Variants in SAYSD1 observed in about 807,000 individuals in gnomAD.
SAYSD1 encodes SAYSvFN domain-containing protein 1.
A neutral mutation model predicts 14.5 loss-of-function variants in SAYSD1; 15 were observed. The observed-to-expected ratio is 1.03, with a 90% CI of 0.69 to 1.59. SAYSD1 has a LOEUF of 1.59. Ranked by LOEUF, SAYSD1 falls within the 40% of genes most tolerant of loss-of-function variation. The pLI, the probability that SAYSD1 is intolerant of heterozygous loss-of-function variation, is 0.00. For synonymous variants in SAYSD1, 105 were observed against 102.6 expected, an observed-to-expected ratio of 1.02 and a Z score of -0.14; for missense variants, 247 against 227.3, an observed-to-expected ratio of 1.09 and a Z score of -0.56.
chr6:39,111,523 T>C (rs1769626188), intron 1 of SAYSD1: 1 of 152,226 alleles, frequency 6.6e-6, no homozygotes, highest in African/African-American at 2.4e-5. Context: ...AAGAGTATGC[T>C]AGGCCTGCAA....
chr6:39,111,668 T>C (rs1398275184), intron 1 of SAYSD1: 1 of 152,238 alleles, frequency 6.6e-6, no homozygotes, highest in East Asian at 1.9e-4. Context: ...AAGTTTATGA[T>C]GCTCATTAAG....
chr6:39,109,680 G>A, intron 1 of SAYSD1: 1 of 1,056,418 alleles, frequency 9.5e-7, no homozygotes, highest in Non-Finnish European at 1.2e-6. Flanking sequence ...AAAAGGTGTG[G>A]GACTTCCTCT....
chr6:39,106,229 C>G (rs1562027329), intron 1 of SAYSD1, among the ~76,000 whole-genome samples: 1 of 150,562 alleles, frequency 6.6e-6, no homozygotes, highest in African/African-American at 2.4e-5. Flanking sequence ...AACAAAAATC[C>G]TTTTTACGTT....
intron 1 of SAYSD1, chr6:39,109,404 G>A: frequency 6.5e-7 from 1 of 1,549,492 alleles, no homozygotes; most frequent in Non-Finnish European, 8.7e-7. Context: ...GTGGGAAGGA[G>A]GATGTAGATA....
At chr6:39,105,867 G>C in intron 1 of SAYSD1, 91 bp from the exon 2 acceptor site, 2 of 1,150,464 alleles carry the variant, frequency 1.7e-6, no homozygotes, top group East Asian at 4.8e-5. Flanking sequence ...TCATTGCTCT[G>C]AGAAGGCTGC....
intron 1 of SAYSD1, chr6:39,113,342 A>G (rs1279152668): frequency 6.5e-6 from 1 of 152,674 alleles, no homozygotes; most frequent in African/African-American, 2.4e-5. Context: ...TGCTAAAGAA[A>G]TCTCTGACAG....
At chr6:39,107,548 ATTC>A (rs1769529183) in intron 1 of SAYSD1, among the ~76,000 whole-genome samples, 2 of 152,210 alleles carry the variant, frequency 1.3e-5, no homozygotes, top group East Asian at 1.9e-4. Flanking sequence ...TACATCCCCT[ATTC>A]TTCTTCACGT....
intron 1 of SAYSD1, among the ~76,000 whole-genome samples, chr6:39,107,333 C>T (rs987484085): frequency 6.6e-6 from 1 of 152,150 alleles, no homozygotes; most frequent in Non-Finnish European, 1.5e-5. Flanking sequence ...GGAGGGTGCC[C>T]CCTCTGCCTC....
Position 39,105,470 on chromosome 6 carries a change from C to G in SAYSD1, c.514G>C (p.Glu172Gln). The change falls in exon 2 of 2, where the codon GAG (glutamate) becomes CAG (glutamine). Residue 172 changes from glutamate (E) to glutamine (Q), a missense_variant. Glu to Gln is a conservative substitution (Grantham distance 29). Transcript: ENST00000229903. The stretch of plus-strand genomic sequence containing the variant: ...AGGGGTCTCAACTGTAACTCGCGCT[C>G]CAACTGCTCTGCAGTCAGGGTGCCC... ...IQGTLTAEQL[E>Q]RELQLRPLAG... 1 of 1,614,254 alleles carries G rather than the reference C, an allele frequency of 6.2e-7. No homozygotes were observed. The highest frequency in any genetic ancestry group is 8.5e-7 in the Non-Finnish European group (1 of 1,180,050).
Position 39,110,238 on chromosome 6 carries a change from T to C in SAYSD1, c.208-4462A>G, listed in dbSNP as rs144141768. ...AGGTCTCTCTCCACGTTGCTGGAAG[T>C]GGGGTGATGTCCTAAAGTTTGATGG... On this transcript the variant is annotated intron_variant, in intron 1 of 1. Coordinates refer to ENST00000229903, the MANE Select transcript of SAYSD1 (RefSeq NM_018322.3). The C allele has an allele frequency of 1.0e-4, 16 of 152,974 alleles. No individual in the cohort carries two copies. In the East Asian group the frequency reaches 3.1e-3, roughly 29 times the overall value. 9.5% of individuals were successfully genotyped at this position (152,974 alleles called of 1,614,324 possible).
chr6:39,111,076 T>A (rs554427487), intron 1 of SAYSD1: 33 of 152,322 alleles, frequency 2.2e-4, no homozygotes, highest in Admixed American at 1.3e-3. Flanking sequence ...CTAAACCAGA[T>A]GATGAAGACT....
At position 39,114,533 on chromosome 6, in the gene SAYSD1, T is replaced by C. The variant is rs1046637879; in HGVS notation, c.207+350A>G. On this transcript the variant is annotated intron_variant, in intron 1 of 1. Coordinates refer to ENST00000229903, the MANE Select transcript of SAYSD1 (RefSeq NM_018322.3). ...CAATTAGACCTTTTACCCTCCTCCA[T>C]TAGCAGAGGGCTGTGGCTCAACTTG... Among the ~76,000 whole-genome samples the C allele has an allele frequency of 3.3e-5, 5 of 152,352 alleles. No individual in the cohort carries two copies. The South Asian group carries it at 1.0e-3, about 32-fold the overall frequency.
chr6:39,112,206 A>T (rs1044598875), intron 1 of SAYSD1: 1 of 152,592 alleles, frequency 6.6e-6, no homozygotes, highest in Admixed American at 6.5e-5. Flanking sequence ...ATTGTTAAAG[A>T]AATGAATGAT....
At chr6:39,110,590 C>A (rs1398142635) in intron 1 of SAYSD1, 1 of 152,230 alleles carries the variant, frequency 6.6e-6, no homozygotes, top group Non-Finnish European at 1.5e-5. Context: ...TGCCCTCACA[C>A]CATGTGAATA....
At chr6:39,106,394 G>A (rs1769503877) in intron 1 of SAYSD1, among the ~76,000 whole-genome samples, 1 of 152,068 alleles carries the variant, frequency 6.6e-6, no homozygotes, top group Non-Finnish European at 1.5e-5. Context: ...CAGCATGGTG[G>A]CACACGACTG....
chr6:39,106,658 C>G (rs1769509975), intron 1 of SAYSD1, among the ~76,000 whole-genome samples: 1 of 152,212 alleles, frequency 6.6e-6, no homozygotes, highest in East Asian at 1.9e-4. Context: ...TCCCTGCCTC[C>G]TATCTCTTCC....
In SAYSD1 at chr6:39,105,443, C is replaced by T; in HGVS notation, c.541G>A (p.Ala181Thr). Residue 181 changes from alanine (A) to threonine (T), a missense_variant, in exon 2 of 2, where the codon GCA (alanine) becomes ACA (threonine). By Grantham distance (58) the Ala-to-Thr change is moderately conservative (BLOSUM62 0). Coordinates refer to ENST00000229903, the MANE Select transcript of SAYSD1 (RefSeq NM_018322.3). ...AGCACAGCTGGGTCCTATCTCCCTG[C>T]CAGGGGTCTCAACTGTAACTCGCGC... ...LERELQLRPL[A>T]GR is the part of the protein sequence containing the mutation. 6.2e-7 allele frequency: 1 copy of T among 1,613,970 alleles called. No homozygotes were observed. The highest frequency in any genetic ancestry group is 1.1e-5 in the South Asian group (1 of 91,062).
At position 39,105,380 on chromosome 6, in the gene SAYSD1, A is replaced by G. The variant is rs1372072851; in HGVS notation, c.*52T>C. On this transcript the variant is annotated 3_prime_UTR_variant, in exon 2 of 2. Transcript: ENST00000229903. Reference sequence around the variant, plus strand: ...ACACCTGAAATCAAATCCATAGCCAATGGTGAGGAAGACCACATCAGAGGT... The same window carrying G: ...ACACCTGAAATCAAATCCATAGCCAGTGGTGAGGAAGACCACATCAGAGGT... 1.0e-5 allele frequency: 15 copies of G among 1,503,604 alleles called. No homozygotes were observed. The highest frequency in any genetic ancestry group is 1.8e-4 in the Middle Eastern group (1 of 5,458). 93.1% of individuals were successfully genotyped at this position (1,503,604 alleles called of 1,614,324 possible). A position where few individuals can be genotyped will look rare whatever the true frequency, so the allele number is the denominator to read the frequency against.
rs779938358 is a variant in SAYSD1 at position 39,114,919 on chromosome 6, C to T, written c.171G>A (p.Arg57=). The change falls in exon 1 of 2, where the codon AGG becomes AGA. Residue 57 remains arginine (R), a synonymous_variant. Transcript: ENST00000229903. ...WLKRFLVWKP[R]PASARAQPGL... ...CGGGCTGGGCCCGGGCACTCGCGGG[C>T]CTAGGTTTCCATACCAGGAACCGCT... 1.2e-6 allele frequency: 2 copies of T among 1,612,896 alleles called. No homozygotes were observed. The highest frequency in any genetic ancestry group is 2.7e-5 in the African/African-American group (2 of 74,914).
Sources: gnomAD v4.1 joint callset for allele counts (sites outside exome capture counted in the v4.1 genomes callset) on GRCh38, gnomAD v4.1.1 for gene constraint, MANE v1.5 for transcripts, NCBI Gene and HGNC (gene_info 2026-07-23, HGNC 2026-07-21) for gene names.